Variants in GUCY1A2 observed in about 807,000 individuals in gnomAD.
The protein encoded by GUCY1A2 is guanylate cyclase 1 soluble subunit alpha 2, also known as guanylate cyclase soluble subunit alpha-2.
GUCY1A2 carries 27 observed loss-of-function variants against 63.5 expected under a neutral mutation model. The observed-to-expected ratio is 0.43, with a 90% CI of 0.31 to 0.59. GUCY1A2 has a LOEUF of 0.59. Ranked by LOEUF, GUCY1A2 falls within the 20% of genes least tolerant of loss-of-function variation. The pLI is 0.11. For synonymous variants in GUCY1A2, 364 were observed against 343.5 expected (o/e 1.06, Z -0.66); for missense variants, 768 against 913.3 (o/e 0.84, Z 2.05).
At chr11:106,932,271 C>T (rs1411672290) in intron 4 of GUCY1A2, among the ~76,000 whole-genome samples, 1 of 152,000 alleles carries the variant, frequency 6.6e-6, no homozygotes, top group Non-Finnish European at 1.5e-5. Flanking sequence ...GCACTTTAAG[C>T]CTATAGATGA....
chr11:106,978,736 T>C lies in GUCY1A2; in HGVS notation c.370A>G (p.Arg124Gly), dbSNP rs774399208. Residue 124 changes from arginine (R) to glycine (G), a missense_variant, in exon 3 of 8, where the codon AGG becomes GGG. This residue lies in a region of GUCY1A2 where 496 missense variants were observed against 486.9 expected (regional missense o/e 1.02). Coordinates refer to ENST00000526355, the MANE Select transcript of GUCY1A2 (RefSeq NM_000855.3). Reference sequence around the variant, plus strand: ...TTGTGGAAATTCTTTTCTGCATCCCTGTAACTAAGAAGAAAACAAAATTAG... The same window carrying C: ...TTGTGGAAATTCTTTTCTGCATCCCCGTAACTAAGAAGAAAACAAAATTAG... ...QYYEHQVIGY[R>G]DAEKNFHNIS... 2 of 1,594,728 alleles carry C rather than the reference T, an allele frequency of 1.3e-6. No individual in the cohort carries two copies. The highest frequency in any genetic ancestry group is 1.7e-6 in the Non-Finnish European group (2 of 1,172,250).
At chr11:106,781,935 T>C (rs1864472316) in intron 5 of GUCY1A2, among the ~76,000 whole-genome samples, 1 of 152,188 alleles carries the variant, frequency 6.6e-6, no homozygotes, top group African/African-American at 2.4e-5. Context: ...CCTAATTAAA[T>C]TTCATTCCCA....
Position 106,945,124 on chromosome 11 carries a change from A to C in GUCY1A2, c.488-4946T>G, listed in dbSNP as rs1474369990. ...ATAAGAAACACAGACACACACACACACCCCTAAGAATATCTGGTTGGATTC... is the reference window on the plus strand; with the variant it reads ...ATAAGAAACACAGACACACACACACCCCCCTAAGAATATCTGGTTGGATTC... On this transcript the variant is annotated intron_variant, in intron 3 of 7. Coordinates refer to ENST00000526355, the MANE Select transcript of GUCY1A2 (RefSeq NM_000855.3). Among the ~76,000 whole-genome samples the C allele has an allele frequency of 4.6e-5, 7 of 150,798 alleles. No homozygotes were observed. The East Asian group carries it at 5.9e-4, about 13-fold the overall frequency.
At chr11:106,939,342 TA>T in intron 4 of GUCY1A2, 117 bp downstream of exon 4, 1 of 654,492 alleles carries the variant, frequency 1.5e-6, no homozygotes, top group Non-Finnish European at 2.7e-6. Context: ...AGTAATCTTC[TA>T]AATGGCACTT....
At chr11:106,773,210 A>C (rs1310439409) in intron 6 of GUCY1A2, among the ~76,000 whole-genome samples, 1 of 148,686 alleles carries the variant, frequency 6.7e-6, no homozygotes, top group Non-Finnish European at 1.5e-5. Flanking sequence ...ACTTTTTGCC[A>C]TCAATGCAAG....
Position 106,722,075 on chromosome 11 carries a change from A to C in GUCY1A2, c.1837-13409T>G, listed in dbSNP as rs148582529. On this transcript the variant is annotated intron_variant, in intron 6 of 7. Transcript: ENST00000526355. Reference sequence around the variant, plus strand: ...TGACTGAATAAGTGAATTAATAAGCAGAAGAATAAATGAAAATGAAAGGAA... The same window carrying C: ...TGACTGAATAAGTGAATTAATAAGCCGAAGAATAAATGAAAATGAAAGGAA... Among the ~76,000 whole-genome samples, 6 of 152,330 alleles carry C rather than the reference A, an allele frequency of 3.9e-5. No homozygotes were observed. The East Asian group carries it at 1.2e-3, about 29-fold the overall frequency.
chr11:106,793,907 T>C (rs913218258), intron 5 of GUCY1A2, among the ~76,000 whole-genome samples: 1 of 152,106 alleles, frequency 6.6e-6, no homozygotes, highest in Admixed American at 6.6e-5. Flanking sequence ...TTTGAGGATG[T>C]AAATTGGGTC....
At chr11:106,842,637 C>G (rs1330620717) in intron 4 of GUCY1A2, among the ~76,000 whole-genome samples, 1 of 151,926 alleles carries the variant, frequency 6.6e-6, no homozygotes, top group Non-Finnish European at 1.5e-5. Context: ...CCAGTAGTTA[C>G]TTTTCAAATG....
intron 6 of GUCY1A2, among the ~76,000 whole-genome samples, chr11:106,734,374 T>C (rs1217415183): frequency 6.6e-6 from 1 of 152,132 alleles, no homozygotes; most frequent in Non-Finnish European, 1.5e-5. Flanking sequence ...AAGAATATCC[T>C]ACAAACTTGA....
At chr11:106,867,814 A>T (rs1010240565) in intron 4 of GUCY1A2, among the ~76,000 whole-genome samples, 2 of 152,070 alleles carry the variant, frequency 1.3e-5, no homozygotes, top group Non-Finnish European at 2.9e-5. Context: ...AAGAAAAAAG[A>T]GGAATGGAAC....
chr11:106,992,673 GT>G (rs1279773756), intron 1 of GUCY1A2, among the ~76,000 whole-genome samples: 1 of 151,980 alleles, frequency 6.6e-6, no homozygotes, highest in East Asian at 1.9e-4. Context: ...TAAGTAAGTA[GT>G]TTTTTAATGT....
At chr11:106,791,705 C>A (rs957087608) in intron 5 of GUCY1A2, among the ~76,000 whole-genome samples, 3 of 152,146 alleles carry the variant, frequency 2.0e-5, no homozygotes, top group Admixed American at 6.5e-5. Flanking sequence ...CTCCCCTAGT[C>A]CCTCTTCCAG....
intron 4 of GUCY1A2, among the ~76,000 whole-genome samples, chr11:106,900,087 A>G (rs1225289489): frequency 9.6e-6 from 1 of 104,386 alleles, no homozygotes; most frequent in Non-Finnish European, 2.2e-5. Context: ...CTCCGTCTCA[A>G]AAAAAAAAAA....
At position 106,978,263 on chromosome 11, in the gene GUCY1A2, G is replaced by A. The variant is rs113732213; in HGVS notation, c.487+356C>T. Reference sequence around the variant, plus strand: ...CTTCTGCCCCAACCAGGACCTCCCAGAAGTAATAGAGTATGACTGAGAGGA... The same window carrying A: ...CTTCTGCCCCAACCAGGACCTCCCAAAAGTAATAGAGTATGACTGAGAGGA... On this transcript the variant is annotated intron_variant, in intron 3 of 7. Coordinates refer to ENST00000526355, the MANE Select transcript of GUCY1A2 (RefSeq NM_000855.3). 3.4e-3 allele frequency among the ~76,000 whole-genome samples: 510 copies of A among 152,202 alleles called. 3 individuals carry two copies. The highest frequency in any genetic ancestry group is 0.012 in the African/African-American group (489 of 41,524).
Position 106,694,626 on chromosome 11 carries a change from T to C in GUCY1A2, c.1992-6870A>G, listed in dbSNP as rs544282814. ...TGTCAAGAAAATGGCCCAGTACTGG[T>C]GACACGTTAGTCTAACATCTAACTT... On this transcript the variant is annotated intron_variant, in intron 7 of 7. Coordinates refer to ENST00000526355, the MANE Select transcript of GUCY1A2 (RefSeq NM_000855.3). Among the ~76,000 whole-genome samples, 317 of 152,282 alleles carry C rather than the reference T, an allele frequency of 2.1e-3. 1 individual carries two copies. Among genetic ancestry groups the C allele is most frequent in the African/African-American group, 7.2e-3 (299 of 41,560 alleles).
chr11:107,014,248 C>A (rs1861789086), intron 1 of GUCY1A2, among the ~76,000 whole-genome samples: 1 of 151,838 alleles, frequency 6.6e-6, no homozygotes, highest in Non-Finnish European at 1.5e-5. Context: ...GCCACCATGC[C>A]CAGCTAATTT....
In GUCY1A2 at chr11:106,843,233, GA is replaced by G. The variant is rs935074776; in HGVS notation, c.1207-32756del. On this transcript the variant is annotated intron_variant, in intron 4 of 7. Coordinates refer to ENST00000526355, the MANE Select transcript of GUCY1A2 (RefSeq NM_000855.3). ...AGATACAATATCTGAATATTTTTAAGAAAAAAAGTAATAAAACAAAATGATA... is the reference window on the plus strand; with the variant it reads ...AGATACAATATCTGAATATTTTTAAGAAAAAAGTAATAAAACAAAATGATA... 3.4e-4 allele frequency among the ~76,000 whole-genome samples: 51 copies of G among 151,764 alleles called. 1 individual carries two copies. Among genetic ancestry groups the G allele is most frequent in the Admixed American group, 2.7e-3 (41 of 15,184 alleles).
At chr11:106,836,151 T>C (rs1165562224) in intron 4 of GUCY1A2, among the ~76,000 whole-genome samples, 1 of 151,910 alleles carries the variant, frequency 6.6e-6, no homozygotes, top group Non-Finnish European at 1.5e-5. Context: ...TGGAACAACA[T>C]GGGGATTGGG....
chr11:106,844,594 T>G (rs1045198432), intron 4 of GUCY1A2, among the ~76,000 whole-genome samples: 2 of 151,826 alleles, frequency 1.3e-5, no homozygotes, highest in Admixed American at 6.6e-5. Flanking sequence ...TTATGTTTCT[T>G]GTGTCTCACA....
Sources: gnomAD v4.1 joint callset for allele counts (sites outside exome capture counted in the v4.1 genomes callset) on GRCh38, gnomAD v4.1.1 for gene constraint, gnomAD v4.1.1 regional missense constraint, MANE v1.5 for transcripts, NCBI Gene and HGNC (gene_info 2026-07-23, HGNC 2026-07-21) for gene names.